Variants in VPS13B observed in about 807,000 individuals in gnomAD.
VPS13B encodes the protein intermembrane lipid transfer protein VPS13B.
A neutral mutation model predicts 426.4 loss-of-function variants in VPS13B; 285 were observed. That is an observed-to-expected ratio of 0.67 (90% CI 0.61 to 0.74). VPS13B has a LOEUF of 0.74. Ranked by LOEUF, VPS13B falls within the 30% of genes least tolerant of loss-of-function variation. The pLI is 0.00. For synonymous variants in VPS13B, 1,676 were observed against 1,676.4 expected, an observed-to-expected ratio of 1.00 and a Z score of 0.01; for missense variants, 4,537 against 4,782.6, an observed-to-expected ratio of 0.95 and a Z score of 1.51.
intron 19 of VPS13B, among the ~76,000 whole-genome samples, chr8:99,357,139 C>A (rs1459178036): frequency 6.6e-6 from 1 of 152,124 alleles, no homozygotes; most frequent in Non-Finnish European, 1.5e-5. Flanking sequence ...TCCTTTTCTG[C>A]ATCTGTATTT....
intron 32 of VPS13B, among the ~76,000 whole-genome samples, chr8:99,577,151 T>C (rs1273385154): frequency 6.6e-6 from 1 of 152,140 alleles, no homozygotes; most frequent in East Asian, 1.9e-4. Context: ...ATGAACAAGA[T>C]TATGCTACAC....
In VPS13B at chr8:99,768,592, CATTG is replaced by C. The variant is rs1811342179; in HGVS notation, c.7247+1626_7247+1629del. On this transcript the variant is annotated intron_variant, in intron 40 of 61. Transcript: ENST00000357162. ...TGGTTTGTAGCCTCATAGTCTTTTT[CATTG>C]ATTATTTTGTATGCTTGATAATAAT... Among the ~76,000 whole-genome samples the C allele has an allele frequency of 2.0e-5, 3 of 152,074 alleles. No homozygotes were observed. In the South Asian group the frequency reaches 6.2e-4, roughly 32 times the overall value.
At chr8:99,482,237 C>T (rs1440195384) in intron 25 of VPS13B, among the ~76,000 whole-genome samples, 2 of 152,084 alleles carry the variant, frequency 1.3e-5, no homozygotes, top group African/African-American at 4.8e-5. Flanking sequence ...CTCTCCTCTT[C>T]CTCCCAATTA....
intron 35 of VPS13B, chr8:99,696,732 T>A: frequency 9.9e-7 from 1 of 1,014,646 alleles, no homozygotes; most frequent in South Asian, 1.3e-5. Context: ...TCCCAGAAGA[T>A]CCGGGGGATG....
At chr8:99,563,320 T>A (rs528144747) in intron 31 of VPS13B, among the ~76,000 whole-genome samples, 1 of 152,300 alleles carries the variant, frequency 6.6e-6, no homozygotes, top group Admixed American at 6.5e-5. Flanking sequence ...GAAACAGACT[T>A]GCTATTTAAC....
At chr8:99,279,002 A>G (rs1022878203) in intron 19 of VPS13B, among the ~76,000 whole-genome samples, 1 of 152,088 alleles carries the variant, frequency 6.6e-6, no homozygotes, top group African/African-American at 2.4e-5. Flanking sequence ...AACAGGTCAC[A>G]TAGAGAAATA....
At chr8:99,601,244 G>A (rs894346786) in intron 33 of VPS13B, among the ~76,000 whole-genome samples, 7 of 152,090 alleles carry the variant, frequency 4.6e-5, no homozygotes, top group Non-Finnish European at 7.4e-5. Flanking sequence ...GTGAGAACAT[G>A]TGGTGTTTGG....
chr8:99,289,940 T>G (rs576169364), intron 19 of VPS13B, among the ~76,000 whole-genome samples: 33 of 152,206 alleles, frequency 2.2e-4, no homozygotes, highest in African/African-American at 7.5e-4. Context: ...GGCAAACATT[T>G]TATTTGGGCA....
At chr8:99,382,754 G>A (rs1813885655) in intron 19 of VPS13B, among the ~76,000 whole-genome samples, 1 of 152,120 alleles carries the variant, frequency 6.6e-6, no homozygotes, top group African/African-American at 2.4e-5. Context: ...ATATTTTCAT[G>A]TTGTCTGCAA....
intron 17 of VPS13B, among the ~76,000 whole-genome samples, chr8:99,260,449 C>A (rs975820270): frequency 2.0e-5 from 3 of 151,998 alleles, no homozygotes; most frequent in Non-Finnish European, 4.4e-5. Context: ...CCCTTAAAAG[C>A]AACCAGAGGG....
intron 20 of VPS13B, among the ~76,000 whole-genome samples, chr8:99,385,287 G>T (rs908623090): frequency 7.2e-5 from 11 of 152,074 alleles, no homozygotes; most frequent in African/African-American, 2.7e-4. Context: ...GGCCAAATTC[G>T]TGCTTTATTG....
chr8:99,818,981 G>A, intron 47 of VPS13B, 93 bp downstream of exon 47: 2 of 879,664 alleles, frequency 2.3e-6, no homozygotes, highest in South Asian at 1.5e-5. Flanking sequence ...GGGGAGGGGT[G>A]GGTAGGGAGA....
chr8:99,740,182 G>C (rs933585059), intron 39 of VPS13B, among the ~76,000 whole-genome samples: 1 of 152,186 alleles, frequency 6.6e-6, no homozygotes, highest in Non-Finnish European at 1.5e-5. Context: ...GAATGCACAA[G>C]CCTCGGTAGC....
At chr8:99,610,701 C>T (rs1305298951) in intron 33 of VPS13B, among the ~76,000 whole-genome samples, 2 of 152,022 alleles carry the variant, frequency 1.3e-5, no homozygotes, top group East Asian at 1.9e-4. Flanking sequence ...CAAACCTGCA[C>T]GTTCTGCACA....
At chr8:99,371,207 C>T (rs1001540668) in intron 19 of VPS13B, among the ~76,000 whole-genome samples, 1 of 152,078 alleles carries the variant, frequency 6.6e-6, no homozygotes, top group Non-Finnish European at 1.5e-5. Flanking sequence ...TTGAACCAGT[C>T]CTCAGTTTTG....
rs147220851 is a variant in VPS13B, at chr8:99,343,344, G to A, written c.2825-40864G>A. Among the ~76,000 whole-genome samples the A allele has an allele frequency of 5.3e-5, 8 of 152,092 alleles. No individual in the cohort carries two copies. In the South Asian group the frequency reaches 6.2e-4, roughly 12 times the overall value. On this transcript the variant is annotated intron_variant, in intron 19 of 61. Transcript: ENST00000357162. ...CTTGACCTCATGATCCACCCACCTC[G>A]GCCTCCCAAAGTGCTAGGATTACAG...
chr8:99,326,573 A>G (rs1810291596), intron 19 of VPS13B, among the ~76,000 whole-genome samples: 2 of 139,966 alleles, frequency 1.4e-5, no homozygotes, highest in Non-Finnish European at 3.0e-5. Flanking sequence ...TAATTTTTGT[A>G]TTTTTTGTAG....
chr8:99,029,175 C>T lies in VPS13B; in HGVS notation c.148-9248C>T, dbSNP rs577389884. On this transcript the variant is annotated intron_variant, in intron 2 of 61. Transcript: ENST00000357162. ...GCAGAGGTGCTCCCCACATCTCAGA[C>T]GATGGGCGGCCGGGCAGAAACGCTC... Among the ~76,000 whole-genome samples the T allele has an allele frequency of 4.0e-3, 572 of 142,474 alleles. 4 individuals carry two copies. The highest frequency in any genetic ancestry group is 4.6e-3 in the Non-Finnish European group (305 of 66,020). The allele number at this position is 142,474 out of a possible 152,430, so 93.5% of individuals were successfully genotyped here. A position where few individuals can be genotyped will look rare whatever the true frequency, so the allele number is the denominator to read the frequency against.
intron 16 of VPS13B, among the ~76,000 whole-genome samples, chr8:99,189,787 T>G (rs1813452353): frequency 6.6e-6 from 1 of 152,236 alleles, no homozygotes; most frequent in African/African-American, 2.4e-5. Context: ...TACATAACTT[T>G]ATGATATTAG....
Sources: allele counts gnomAD v4.1 joint callset (sites outside exome capture counted in the v4.1 genomes callset), GRCh38; gene constraint gnomAD v4.1.1; transcripts MANE v1.5; gene names NCBI Gene and HGNC (gene_info 2026-07-23, HGNC 2026-07-21).